Variants in EIF4G3 observed in about 807,000 individuals in gnomAD.
The protein encoded by EIF4G3 is eIF-4-gamma 3.
A neutral mutation model predicts 186.4 loss-of-function variants in EIF4G3; 34 were observed. The ratio of observed to expected loss-of-function variants is 0.18; its 90% CI spans 0.14 to 0.24. The LOEUF (loss-of-function observed/expected upper bound fraction) is 0.24, where lower values mean the gene tolerates loss of function less well. Ranked by LOEUF, EIF4G3 falls within the 10% of genes least tolerant of loss-of-function variation. EIF4G3 has a pLI of 1.00. For missense variants in EIF4G3, 1,536 were observed against 1,948.5 expected, an observed-to-expected ratio of 0.79 and a Z score of 3.99; for synonymous variants, 673 against 679.5, an observed-to-expected ratio of 0.99 and a Z score of 0.15.
intron 11 of EIF4G3, among the ~76,000 whole-genome samples, chr1:20,971,886 G>A (rs540538467): frequency 3.0e-4 from 45 of 152,210 alleles, no homozygotes; most frequent in Admixed American, 7.2e-4. Flanking sequence ...TACCCATCTC[G>A]GCCTCCAAAG....
rs762454293 is a variant in EIF4G3, at chr1:21,002,755, T to G, written c.-13A>C. On this transcript the variant is annotated 5_prime_UTR_variant, in exon 5 of 37. Transcript: ENST00000602326. ...GTTGTGAATTCATTGTCTGAGGGGT[T>G]TGAGGGTATACCAGCGTGGTTGGAC... 6.2e-7 allele frequency: 1 copy of G among 1,613,826 alleles called. No individual in the cohort carries two copies. Among genetic ancestry groups the G allele is most frequent in the South Asian group, 1.1e-5 (1 of 91,006 alleles).
At chr1:20,880,668 T>G (rs761989228) in intron 19 of EIF4G3, among the ~76,000 whole-genome samples, 7 of 152,122 alleles carry the variant, frequency 4.6e-5, no homozygotes, top group Non-Finnish European at 5.9e-5. Flanking sequence ...GAAGAAACAC[T>G]TGAACCTGGG....
chr1:20,972,191 T>A (rs1007685161), intron 11 of EIF4G3, among the ~76,000 whole-genome samples: 1 of 152,220 alleles, frequency 6.6e-6, no homozygotes, highest in African/African-American at 2.4e-5. Flanking sequence ...AAAAAACAAT[T>A]AGAATACATT....
chr1:20,893,324 T>A, intron 18 of EIF4G3, 193 bp downstream of exon 18: 2 of 504,908 alleles, frequency 4.0e-6, no homozygotes, highest in Non-Finnish European at 6.4e-6. Context: ...GCAGACTAGC[T>A]TCTGCCAAGT....
rs192913015 is a variant in EIF4G3 at position 20,937,891 on chromosome 1, T to C, written c.1663+3600A>G. On this transcript the variant is annotated intron_variant, in intron 14 of 36. Transcript: ENST00000602326. ...CATTTAATTACTAAAGTGACGGTGA[T>C]ATTAAAAGTGTGGCCAATAACTGAG... Among the ~76,000 whole-genome samples the C allele has an allele frequency of 2.1e-4, 32 of 152,342 alleles. 1 individual carries two copies. Among genetic ancestry groups the C allele is most frequent in the Admixed American group, 2.0e-3 (31 of 15,302 alleles).
intron 15 of EIF4G3, among the ~76,000 whole-genome samples, chr1:20,901,416 G>A (rs1254665682): frequency 6.6e-6 from 1 of 151,976 alleles, no homozygotes; most frequent in Non-Finnish European, 1.5e-5. Context: ...TATGTAAATG[G>A]TATTTAAACT....
intron 36 of EIF4G3, among the ~76,000 whole-genome samples, chr1:20,809,421 G>T (rs2058786804): frequency 6.6e-6 from 1 of 152,146 alleles, no homozygotes; most frequent in South Asian, 2.1e-4. Flanking sequence ...AAGTACCAAA[G>T]AACTACTTGA....
At chr1:20,836,824 A>G (rs1253711701) in intron 30 of EIF4G3, among the ~76,000 whole-genome samples, 2 of 152,214 alleles carry the variant, frequency 1.3e-5, no homozygotes, top group Non-Finnish European at 2.9e-5. Context: ...CAGTTTTTAA[A>G]AAGAAGTTTT....
Position 21,133,818 on chromosome 1 carries a change from TCTAGTCCTCCC to T in EIF4G3, c.-272+42346_-272+42356del, listed in dbSNP as rs1341950158. Among the ~76,000 whole-genome samples, 17 of 152,282 alleles carry T rather than the reference TCTAGTCCTCCC, an allele frequency of 1.1e-4. No homozygotes were observed. In the South Asian group the frequency reaches 2.3e-3, roughly 20 times the overall value. On this transcript the variant is annotated intron_variant, in intron 2 of 36. Coordinates refer to ENST00000602326, the MANE Select transcript of EIF4G3 (RefSeq NM_001391906.1). Reference sequence around the variant, plus strand: ...GGATGATTCCGGGCACTTTATATACTCTAGTCCTCCCCTAGTCCTCCCCATTATCCTAATAA... The same window carrying T: ...GGATGATTCCGGGCACTTTATATACTCTAGTCCTCCCCATTATCCTAATAA...
chr1:20,841,372 T>C (rs188949635), intron 29 of EIF4G3: 1 of 161,042 alleles, frequency 6.2e-6, no homozygotes, highest in East Asian at 1.8e-4. Flanking sequence ...AACAATTTTA[T>C]TAAACATCAC....
chr1:20,878,704 G>A lies in EIF4G3; in HGVS notation c.2622+619C>T, dbSNP rs1263989886. On this transcript the variant is annotated intron_variant, in intron 20 of 36. Transcript: ENST00000602326. ...TACCTCGGTAACAATAACAGGAAGAGAAAACAGATGATACATGGCAGTTTA... is the reference window on the plus strand; with the variant it reads ...TACCTCGGTAACAATAACAGGAAGAAAAAACAGATGATACATGGCAGTTTA... 3.3e-5 allele frequency among the ~76,000 whole-genome samples: 5 copies of A among 152,190 alleles called. No homozygotes were observed. The East Asian group carries it at 9.6e-4, about 29-fold the overall frequency.
At chr1:21,159,278 A>G (rs1438602886) in intron 2 of EIF4G3, among the ~76,000 whole-genome samples, 1 of 151,974 alleles carries the variant, frequency 6.6e-6, no homozygotes, top group Admixed American at 6.6e-5. Context: ...TATCTCTCCA[A>G]AAATTTTAAA....
chr1:20,815,849 GCCAGCCGCCCCGT>G (rs2060587472), intron 34 of EIF4G3, among the ~76,000 whole-genome samples: 1 of 120,708 alleles, frequency 8.3e-6, no homozygotes, highest in African/African-American at 3.2e-5. Flanking sequence ...CCCCCGCCCG[GCCAGCCGCCCCGT>G]CCGGGAGGGG....
At chr1:21,099,177 T>C (rs75035320) in intron 2 of EIF4G3, among the ~76,000 whole-genome samples, 4,515 of 152,178 alleles carry the variant, frequency 0.03, 237 homozygotes, top group African/African-American at 0.1. Flanking sequence ...GAGTGCAAAA[T>C]GGTATAGTCA....
rs2096087027 is a variant in EIF4G3 at position 21,088,998 on chromosome 1, C to T, written c.-196+140G>A. On this transcript the variant is annotated intron_variant, in intron 3 of 36. Coordinates refer to ENST00000602326, the MANE Select transcript of EIF4G3 (RefSeq NM_001391906.1). ...TTAGATTAAGATGATATGGAAAGGGCCTATCATTCTATTCAGAATTTTATT... is the reference window on the plus strand; with the variant it reads ...TTAGATTAAGATGATATGGAAAGGGTCTATCATTCTATTCAGAATTTTATT... 9 of 608,900 alleles carry T rather than the reference C, an allele frequency of 1.5e-5. No individual in the cohort carries two copies. In the South Asian group the frequency reaches 1.8e-4, roughly 12 times the overall value. The allele number at this position is 608,900 out of a possible 1,614,324, so 37.7% of individuals were successfully genotyped here.
intron 2 of EIF4G3, chr1:21,111,201 G>A: frequency 2.5e-6 from 1 of 393,014 alleles, no homozygotes; most frequent in South Asian, 1.9e-5. Context: ...AACAATTTCT[G>A]TTGCTTTTAG....
chr1:20,873,708 CT>C (rs972621195), intron 20 of EIF4G3, among the ~76,000 whole-genome samples: 76 of 114,656 alleles, frequency 6.6e-4, no homozygotes, highest in Middle Eastern at 5.1e-3. Context: ...CATTGAATGT[CT>C]TTTTTTTTTC....
chr1:21,176,814 C>G lies in EIF4G3; in HGVS notation c.-548G>C. On this transcript the variant is annotated 5_prime_UTR_variant, in exon 1 of 37. Transcript: ENST00000602326. ...GCCCTTCTCGGTAGCGGGGCTCAGG[C>G]GATGCCGGTGGATTTTCTTCACTCA... 3 of 701,674 alleles carry G rather than the reference C, an allele frequency of 4.3e-6. No homozygotes were observed. Among genetic ancestry groups the G allele is most frequent in the Non-Finnish European group, 7.8e-6 (3 of 384,242 alleles). The allele number at this position is 701,674 out of a possible 1,614,324, so 43.5% of individuals were successfully genotyped here.
chr1:21,017,051 T>C (rs1014342475), intron 4 of EIF4G3, among the ~76,000 whole-genome samples: 2 of 152,044 alleles, frequency 1.3e-5, no homozygotes, highest in South Asian at 2.1e-4. Context: ...GCTAAAAAGG[T>C]AGGAGCAGCC....
Sources: gnomAD v4.1 joint callset for allele counts (sites outside exome capture counted in the v4.1 genomes callset) on GRCh38, gnomAD v4.1.1 for gene constraint, MANE v1.5 for transcripts, NCBI Gene and HGNC (gene_info 2026-07-23, HGNC 2026-07-21) for gene names.